The following ARHGEF10L variants were observed in gnomAD, a reference collection of about 807,000 sequenced individuals.
The protein encoded by ARHGEF10L is rho guanine nucleotide exchange factor 10-like protein.
ARHGEF10L carries 69 observed loss-of-function variants against 141.2 expected under a neutral mutation model. The ratio of observed to expected loss-of-function variants is 0.49; its 90% CI spans 0.40 to 0.60. The LOEUF (loss-of-function observed/expected upper bound fraction) is 0.60. Ranked by LOEUF, ARHGEF10L falls within the 20% of genes least tolerant of loss-of-function variation. The pLI, the probability that ARHGEF10L is intolerant of heterozygous loss-of-function variation, is 0.00. For missense variants in ARHGEF10L, 1,482 were observed against 1,734.3 expected (o/e 0.85, Z 2.58); for synonymous variants, 711 against 718.5 (o/e 0.99, Z 0.17).
the ARHGEF10L span, among the ~76,000 whole-genome samples, chr1:17,527,042 C>G: frequency 6.6e-6 from 1 of 152,306 alleles, no homozygotes; most frequent in South Asian, 2.1e-4. Flanking sequence ...GCTTTCTAGC[C>G]TTTTTCTCTT....
rs904644551 is a variant in ARHGEF10L, at chr1:17,579,073, T to C, written c.-43-1480T>C. Among the ~76,000 whole-genome samples the C allele has an allele frequency of 4.6e-5, 7 of 152,094 alleles. No individual in the cohort carries two copies. The East Asian group carries it at 1.2e-3, about 25-fold the overall frequency. On this transcript the variant is annotated intron_variant, in intron 1 of 28. Transcript: ENST00000361221. ...TCTTGCTCTGTTTCCCAGACTGGAGTGCGGTGGCACGGTCTTGGCTCACTG... is the reference window on the plus strand; with the variant it reads ...TCTTGCTCTGTTTCCCAGACTGGAGCGCGGTGGCACGGTCTTGGCTCACTG...
At chr1:17,555,467 T>G (rs1165127301) in intron 1 of ARHGEF10L, among the ~76,000 whole-genome samples, 5 of 152,058 alleles carry the variant, frequency 3.3e-5, no homozygotes, top group Non-Finnish European at 2.9e-5. Flanking sequence ...GATTAAATGC[T>G]TTCTTAGCCT....
At position 17,625,604 on chromosome 1, in the gene ARHGEF10L, G is replaced by C. The variant is rs908264855; in HGVS notation, c.1318-352G>C. Among the ~76,000 whole-genome samples the C allele has an allele frequency of 1.2e-4, 19 of 152,310 alleles. No homozygotes were observed. Among genetic ancestry groups the C allele is most frequent in the African/African-American group, 4.6e-4 (19 of 41,554 alleles). ...CCCCTGTGCCCCGCCCCTTACCCTA[G>C]CCCAAATCTGTCTGCATTTAGTTTA... On this transcript the variant is annotated intron_variant, in intron 13 of 28. Coordinates refer to ENST00000361221, the MANE Select transcript of ARHGEF10L (RefSeq NM_018125.4). This position sits in a 1 kb window ranked among gnomAD's most constrained non-coding sequence, Gnocchi z 4.5.
intron 1 of ARHGEF10L, among the ~76,000 whole-genome samples, chr1:17,570,438 G>A (rs1282746125): frequency 6.6e-6 from 1 of 152,086 alleles, no homozygotes; most frequent in Admixed American, 6.6e-5. Context: ...AACAGCAAGT[G>A]CAAAGGCCCT....
In ARHGEF10L at chr1:17,697,231, C is replaced by T. The variant is rs113130565; in HGVS notation, c.3691C>T (p.His1231Tyr). Residue 1231 changes from histidine to tyrosine, a missense_variant, in exon 29 of 29, where the codon CAC becomes TAC. Around this residue, in one of 3 missense-constraint regions of ARHGEF10L, gnomAD observed 858 missense variants for 966.3 expected, o/e 0.89. Coordinates refer to ENST00000361221, the MANE Select transcript of ARHGEF10L (RefSeq NM_018125.4). The surrounding 1 kb of genome is among the most constrained non-coding windows in gnomAD (Gnocchi z 4.8). The stretch of plus-strand genomic sequence containing the variant: ...CAGCCGGCCCTGCGCCCGCGACGCC[C>T]ACCGCAAGGAGATTTGCTCTGTGGC... ...VRSRPCARDA[H>Y]RKEICSVAII... The T allele has an allele frequency of 6.2e-7, 1 of 1,612,360 alleles. No homozygotes were observed.
chr1:17,680,648 C>A (rs1185120905), intron 26 of ARHGEF10L, among the ~76,000 whole-genome samples: 1 of 152,110 alleles, frequency 6.6e-6, no homozygotes, highest in South Asian at 2.1e-4. Flanking sequence ...CTCTTTTTGT[C>A]CCCGTGTACA....
chr1:17,576,890 G>A (rs771314118), intron 1 of ARHGEF10L, among the ~76,000 whole-genome samples: 34 of 152,352 alleles, frequency 2.2e-4, no homozygotes, highest in Non-Finnish European at 4.1e-4. Flanking sequence ...ACCGCCTGGA[G>A]AGTCACCGTG....
intron 1 of ARHGEF10L, among the ~76,000 whole-genome samples, chr1:17,572,070 C>T (rs569839154): frequency 5.9e-5 from 9 of 152,332 alleles, no homozygotes; most frequent in African/African-American, 1.7e-4. Flanking sequence ...CAGGTAATTC[C>T]GCTCAGAAAG....
At chr1:17,590,100 G>T (rs763063639) in intron 4 of ARHGEF10L, among the ~76,000 whole-genome samples, 35 of 152,078 alleles carry the variant, frequency 2.3e-4, no homozygotes, top group Non-Finnish European at 4.4e-4. Context: ...TGTGCTCAGG[G>T]TTCCATGTAG....
intron 8 of ARHGEF10L, among the ~76,000 whole-genome samples, chr1:17,613,644 C>A (rs1246984037): frequency 2.6e-5 from 4 of 152,250 alleles, no homozygotes; most frequent in Non-Finnish European, 5.9e-5. Context: ...TATCTCTCCA[C>A]ACTATTCAGA....
chr1:17,580,970 G>A (rs1212772659), intron 2 of ARHGEF10L, among the ~76,000 whole-genome samples: 1 of 152,088 alleles, frequency 6.6e-6, no homozygotes, highest in African/African-American at 2.4e-5. Context: ...ATAGGGTCAG[G>A]CCGTTGAACA....
intron 26 of ARHGEF10L, among the ~76,000 whole-genome samples, chr1:17,664,981 C>T (rs935015552): frequency 6.6e-6 from 1 of 152,174 alleles, no homozygotes; most frequent in Non-Finnish European, 1.5e-5. Context: ...GCTCTTCAAA[C>T]CACATGGAGG....
Position 17,558,737 on chromosome 1 carries a change from C to G in ARHGEF10L, c.-44+18787C>G, listed in dbSNP as rs949815392. On this transcript the variant is annotated intron_variant, in intron 1 of 28. Coordinates refer to ENST00000361221, the MANE Select transcript of ARHGEF10L (RefSeq NM_018125.4). This position sits in a 1 kb window ranked among gnomAD's most constrained non-coding sequence, Gnocchi z 4.2. ...TGGGCCTCAGTAGATGCTTAGCCAACATGAGTTGTCAGTGAATGGGGAGAT... is the reference window on the plus strand; with the variant it reads ...TGGGCCTCAGTAGATGCTTAGCCAAGATGAGTTGTCAGTGAATGGGGAGAT... Among the ~76,000 whole-genome samples, 9 of 152,206 alleles carry G rather than the reference C, an allele frequency of 5.9e-5. No individual in the cohort carries two copies. Among genetic ancestry groups the G allele is most frequent in the Non-Finnish European group, 1.2e-4 (8 of 68,044 alleles).
rs1054399491 is a variant in ARHGEF10L at position 17,687,609 on chromosome 1, G to C, written c.3046G>C (p.Val1016Leu). The C allele has an allele frequency of 2.5e-6, 4 of 1,613,034 alleles. No individual in the cohort carries two copies. Among genetic ancestry groups the C allele is most frequent in the African/African-American group, 1.3e-5 (1 of 74,918 alleles). Reference sequence around the variant, plus strand: ...GGCGCACCAGGACGAGGCAGTGAGCGTGACACACATGGTGAAGGCGGGCAG... The same window carrying C: ...GGCGCACCAGGACGAGGCAGTGAGCCTGACACACATGGTGAAGGCGGGCAG... Reference protein sequence around the residue: ...FEAHQDEAVSVTHMVKAGSGV... With the variant: ...FEAHQDEAVSLTHMVKAGSGV... The change falls in exon 27 of 29, where the codon GTG (valine) becomes CTG (leucine). Residue 1016 changes from valine to leucine, a missense_variant. Physicochemically the swap from Val to Leu is conservative, Grantham distance 32 (BLOSUM62 1). Coordinates refer to ENST00000361221, the MANE Select transcript of ARHGEF10L (RefSeq NM_018125.4).
At position 17,656,161 on chromosome 1, in the gene ARHGEF10L, G is replaced by A. The variant is rs544809613; in HGVS notation, c.2705+59G>A. 182 of 1,515,148 alleles carry A rather than the reference G, an allele frequency of 1.2e-4. 1 individual carries two copies. The African/African-American group carries it at 2.3e-3, about 19-fold the overall frequency. The allele number at this position is 1,515,148 out of a possible 1,614,324, so 93.9% of individuals were successfully genotyped here. ...TCTGCAGGGCTGGGCAGTGGGTGGG[G>A]GCTGTCCCTGTAGCCTTCCGGATCT... On this transcript the variant is annotated intron_variant, in intron 24 of 28. Coordinates refer to ENST00000361221, the MANE Select transcript of ARHGEF10L (RefSeq NM_018125.4). This position sits in a 1 kb window ranked among gnomAD's most constrained non-coding sequence, Gnocchi z 4.9.
chr1:17,597,189 T>C (rs2080193876), intron 4 of ARHGEF10L, among the ~76,000 whole-genome samples: 1 of 152,218 alleles, frequency 6.6e-6, no homozygotes, highest in Non-Finnish European at 1.5e-5. Context: ...GCATTCAGGT[T>C]GCTGGCCTTA....
chr1:17,527,131 G>A, the ARHGEF10L span, among the ~76,000 whole-genome samples: 3 of 152,110 alleles, frequency 2.0e-5, no homozygotes, highest in African/African-American at 4.8e-5. Context: ...TGGGACTACC[G>A]ACTTGTTTCA....
the ARHGEF10L span, among the ~76,000 whole-genome samples, chr1:17,522,939 C>T: frequency 6.6e-6 from 1 of 152,092 alleles, no homozygotes; most frequent in Non-Finnish European, 1.5e-5. Flanking sequence ...ATATTGACCA[C>T]TAATACTAGT....
chr1:17,580,652 C>A lies in ARHGEF10L; in HGVS notation c.37+20C>A. The A allele has an allele frequency of 6.2e-7, 1 of 1,614,180 alleles. No homozygotes were observed. Among genetic ancestry groups the A allele is most frequent in the African/African-American group, 1.3e-5 (1 of 75,062 alleles). ...CCATAGGTACCGTACCCAGGGCTTC[C>A]TGTCCCTCTCATCCTTTCTTAGAAG... On this transcript the variant is annotated intron_variant, in intron 2 of 28. Coordinates refer to ENST00000361221, the MANE Select transcript of ARHGEF10L (RefSeq NM_018125.4).
Sources: allele counts gnomAD v4.1 joint callset (sites outside exome capture counted in the v4.1 genomes callset), GRCh38; gene constraint gnomAD v4.1.1; regional missense constraint gnomAD v4.1.1; non-coding constraint Gnocchi (gnomAD v3.1); transcripts MANE v1.5; gene names NCBI Gene and HGNC (gene_info 2026-07-23, HGNC 2026-07-21).